PCMTD1: variants seen among roughly 807,000 people sequenced by gnomAD.
PCMTD1 encodes protein-L-isoaspartate (D-aspartate) O-methyltransferase domain containing 1.
PCMTD1 carries 12 observed loss-of-function variants against 37.6 expected under a neutral mutation model. That is an observed-to-expected ratio of 0.32 (90% CI 0.20 to 0.52). The LOEUF (loss-of-function observed/expected upper bound fraction) is 0.52, where lower values mean the gene tolerates loss of function less well. Among genes scored for constraint, PCMTD1 ranks in the 20% least tolerant of loss-of-function variants. The probability of loss-of-function intolerance (pLI) is 0.97; values close to 1 mark genes in which losing one functional copy is unlikely to be tolerated. For missense variants in PCMTD1, 235 were observed against 421.3 expected (o/e 0.56, Z 3.87); for synonymous variants, 117 against 135.8 (o/e 0.86, Z 0.96).
intron 3 of PCMTD1, chr8:51,839,749 C>A (rs111827795): frequency 0.011 from 4,505 of 417,290 alleles, 40 homozygotes; most frequent in Non-Finnish European, 0.013. Context: ...AAATTTTAGA[C>A]AATTATTCCA....
chr8:51,887,525 TCTAA>T (rs981972957), intron 1 of PCMTD1, among the ~76,000 whole-genome samples: 2 of 152,100 alleles, frequency 1.3e-5, no homozygotes, highest in African/African-American at 4.8e-5. Flanking sequence ...TCTAAAATCC[TCTAA>T]CTAAAGCAAT....
rs914330550 is a variant in PCMTD1, at chr8:51,830,812, G to C, written c.706+632C>G. Among the ~76,000 whole-genome samples the C allele has an allele frequency of 4.6e-5, 7 of 152,290 alleles. No individual in the cohort carries two copies. In the South Asian group the frequency reaches 8.3e-4, roughly 18 times the overall value. ...TCACTCTGGTCATAATTTAGATGTTGCCTTGGCAGAAAGTTCTTCCTTACC... is the reference window on the plus strand; with the variant it reads ...TCACTCTGGTCATAATTTAGATGTTCCCTTGGCAGAAAGTTCTTCCTTACC... On this transcript the variant is annotated intron_variant, in intron 5 of 5. Coordinates refer to ENST00000522514, the MANE Select transcript of PCMTD1 (RefSeq NM_052937.4).
chr8:51,850,511 C>G (rs2038289705), intron 2 of PCMTD1, among the ~76,000 whole-genome samples: 1 of 152,208 alleles, frequency 6.6e-6, no homozygotes, highest in African/African-American at 2.4e-5. Context: ...ATAATCCTAA[C>G]ATGCAACTGG....
intron 1 of PCMTD1, among the ~76,000 whole-genome samples, chr8:51,861,732 T>A (rs950822009): frequency 2.2e-4 from 34 of 151,948 alleles, no homozygotes; most frequent in Admixed American, 7.2e-4. Context: ...TTTAATTTTT[T>A]TTTTTTTAAG....
intron 1 of PCMTD1, among the ~76,000 whole-genome samples, chr8:51,885,825 CGTT>C (rs1563363096): frequency 7.2e-5 from 11 of 152,060 alleles, no homozygotes; most frequent in Non-Finnish European, 2.9e-5. Context: ...CAGGGGCATA[CGTT>C]GTTTGTGCTG....
intron 1 of PCMTD1, among the ~76,000 whole-genome samples, chr8:51,897,672 T>C (rs2129297455): frequency 1.3e-5 from 2 of 152,358 alleles, no homozygotes; most frequent in South Asian, 4.1e-4. Flanking sequence ...TCTGAAAGTT[T>C]TGCCACATTG....
At chr8:51,880,834 G>T (rs936678281) in intron 1 of PCMTD1, among the ~76,000 whole-genome samples, 4 of 152,212 alleles carry the variant, frequency 2.6e-5, no homozygotes, top group East Asian at 1.9e-4. Flanking sequence ...CACCACTGTT[G>T]TAAGGCAAAA....
intron 2 of PCMTD1, among the ~76,000 whole-genome samples, chr8:51,855,227 GAAAAAAA>G (rs61373320): frequency 7.8e-6 from 1 of 128,970 alleles, no homozygotes; most frequent in Non-Finnish European, 1.6e-5. Flanking sequence ...TTCCTAAAAA[GAAAAAAA>G]AAAAAAAACA....
chr8:51,833,494 A>G (rs2038025295), intron 4 of PCMTD1, 24 bp downstream of exon 4: 1 of 1,579,208 alleles, frequency 6.3e-7, no homozygotes, highest in African/African-American at 1.4e-5. Flanking sequence ...CTAGGCCACT[A>G]AAGAAAAGGA....
At chr8:51,868,437 G>T (rs1362074449) in intron 1 of PCMTD1, among the ~76,000 whole-genome samples, 2 of 152,128 alleles carry the variant, frequency 1.3e-5, no homozygotes, top group Non-Finnish European at 2.9e-5. Context: ...CTTCTGGAAT[G>T]TGAGGCTGGG....
chr8:51,818,079 C>A lies in PCMTD1; in HGVS notation c.*2272G>T, dbSNP rs950943767. On this transcript the variant is annotated 3_prime_UTR_variant, in exon 6 of 6. Transcript: ENST00000522514. ...AGCGTAATTTTCCATATCAAGTAAACATAAATTCATTAAAAAATAAACACA... is the reference window on the plus strand; with the variant it reads ...AGCGTAATTTTCCATATCAAGTAAAAATAAATTCATTAAAAAATAAACACA... The A allele has an allele frequency of 1.3e-5, 5 of 372,154 alleles. No homozygotes were observed. The highest frequency in any genetic ancestry group is 3.6e-5 in the Admixed American group (1 of 27,958). 23.1% of individuals were successfully genotyped at this position (372,154 alleles called of 1,614,324 possible).
chr8:51,885,180 C>T (rs1005532799), intron 1 of PCMTD1, among the ~76,000 whole-genome samples: 1 of 152,084 alleles, frequency 6.6e-6, no homozygotes, highest in African/African-American at 2.4e-5. Flanking sequence ...CTAAAGCATC[C>T]ACAACCTCCT....
intron 2 of PCMTD1, among the ~76,000 whole-genome samples, chr8:51,858,668 G>A (rs1469550168): frequency 6.6e-6 from 1 of 152,164 alleles, no homozygotes; most frequent in Non-Finnish European, 1.5e-5. Flanking sequence ...TGTTGTTTCT[G>A]CTTCTCCTTC....
chr8:51,837,010 C>G (rs2038078082), intron 3 of PCMTD1, among the ~76,000 whole-genome samples: 1 of 152,184 alleles, frequency 6.6e-6, no homozygotes, highest in African/African-American at 2.4e-5. Context: ...AAACTCTTAC[C>G]TCTAATGAAT....
rs370393314 is a variant in PCMTD1, at chr8:51,840,264, A to G, written c.410+5397T>C. ...TAAGTCATATAAAGGTGAGCCTTTT[A>G]TTGCTGAAATTGTATTTCAACAATT... On this transcript the variant is annotated intron_variant, in intron 3 of 5. Transcript: ENST00000522514. 1.1e-4 allele frequency among the ~76,000 whole-genome samples: 17 copies of G among 152,288 alleles called. 1 individual carries two copies. The highest frequency in any genetic ancestry group is 3.4e-4 in the African/African-American group (14 of 41,556).
intron 3 of PCMTD1, among the ~76,000 whole-genome samples, chr8:51,842,191 T>C (rs189977900): frequency 6.6e-6 from 1 of 152,328 alleles, no homozygotes; most frequent in East Asian, 1.9e-4. Flanking sequence ...GTAAATCTAG[T>C]GCTATGTACT....
chr8:51,889,964 G>C (rs2038914729), intron 1 of PCMTD1, among the ~76,000 whole-genome samples: 2 of 102,850 alleles, frequency 1.9e-5, no homozygotes, highest in Admixed American at 2.4e-4. Flanking sequence ...TAAAACCAGT[G>C]ATAACTAAAC....
At chr8:51,867,655 T>G (rs111813532) in intron 1 of PCMTD1, among the ~76,000 whole-genome samples, 1 of 152,024 alleles carries the variant, frequency 6.6e-6, no homozygotes, top group African/African-American at 2.4e-5. Flanking sequence ...TGCAATAACA[T>G]GTATGAACCT....
At chr8:51,854,276 ACACAAAAT>A (rs1186847290) in intron 2 of PCMTD1, among the ~76,000 whole-genome samples, 1 of 152,182 alleles carries the variant, frequency 6.6e-6, no homozygotes, top group Non-Finnish European at 1.5e-5. Flanking sequence ...TTATCCATAA[ACACAAAAT>A]CACCTGGATG....
Sources: gnomAD v4.1 joint callset for allele counts (sites outside exome capture counted in the v4.1 genomes callset) on GRCh38, gnomAD v4.1.1 for gene constraint, MANE v1.5 for transcripts, NCBI Gene and HGNC (gene_info 2026-07-23, HGNC 2026-07-21) for gene names.